Variants in VDAC1 observed in about 807,000 individuals in gnomAD.
VDAC1 encodes non-selective voltage-gated ion channel VDAC1.
VDAC1 carries 10 observed loss-of-function variants against 34.7 expected under a neutral mutation model. The observed-to-expected ratio is 0.29, with a 90% CI of 0.18 to 0.49. VDAC1 has a LOEUF of 0.49. Among genes scored for constraint, VDAC1 ranks in the 20% least tolerant of loss-of-function variants. The pLI, the probability that VDAC1 is intolerant of heterozygous loss-of-function variation, is 0.99. For synonymous variants in VDAC1, 130 were observed against 136.0 expected, an observed-to-expected ratio of 0.96 and a Z score of 0.30; for missense variants, 230 against 347.9, an observed-to-expected ratio of 0.66 and a Z score of 2.69.
the VDAC1 span, among the ~76,000 whole-genome samples, chr5:134,017,679 C>T: frequency 8.6e-5 from 13 of 151,910 alleles, no homozygotes; most frequent in African/African-American, 2.9e-4. Flanking sequence ...TTTGGGAGGC[C>T]GAGGTGGGCG....
At chr5:134,082,612 AGATAC>A in the VDAC1 span, among the ~76,000 whole-genome samples, 2 of 152,250 alleles carry the variant, frequency 1.3e-5, no homozygotes, top group Admixed American at 1.3e-4. Context: ...ATCATATAAT[AGATAC>A]ATGTTTATCT....
chr5:133,990,571 A>C lies in VDAC1; in HGVS notation c.323+284T>G, dbSNP rs58859482. On this transcript the variant is annotated intron_variant, in intron 5 of 8. Transcript: ENST00000265333. ...TAACAATCATGGCCTGGGCACCCTT[A>C]GATCTCCAGATGGGCACAGGGCCAA... 2.4e-3 allele frequency among the ~76,000 whole-genome samples: 359 copies of C among 152,356 alleles called. 13 individuals are homozygous for C. The East Asian group carries it at 0.056, about 24-fold the overall frequency.
chr5:134,114,154 G>T, the VDAC1 span, among the ~76,000 whole-genome samples: 1 of 152,204 alleles, frequency 6.6e-6, no homozygotes, highest in East Asian at 1.9e-4. Context: ...GTATGCAGGC[G>T]GCCTAGAAGG....
chr5:134,097,630 G>A, the VDAC1 span, among the ~76,000 whole-genome samples: 4 of 152,182 alleles, frequency 2.6e-5, no homozygotes, highest in Admixed American at 2.6e-4. Flanking sequence ...GAAGGTGCTT[G>A]GTCCCGCAGC....
the VDAC1 span, among the ~76,000 whole-genome samples, chr5:134,110,812 G>A: frequency 6.6e-6 from 1 of 152,236 alleles, no homozygotes; most frequent in East Asian, 1.9e-4. Context: ...GTCAGAAAAG[G>A]TCAGAGTTCA....
At chr5:134,086,323 G>A in the VDAC1 span, among the ~76,000 whole-genome samples, 2 of 152,218 alleles carry the variant, frequency 1.3e-5, no homozygotes, top group Non-Finnish European at 1.5e-5. Flanking sequence ...GTGATGTAAT[G>A]GCTCCAAGGG....
chr5:134,113,593 C>A, the VDAC1 span, among the ~76,000 whole-genome samples: 2 of 152,248 alleles, frequency 1.3e-5, no homozygotes, highest in African/African-American at 4.8e-5. Context: ...GTGAACCCAG[C>A]ACAGAAACCT....
chr5:134,063,995 A>ATTTTTTTTTT, the VDAC1 span, among the ~76,000 whole-genome samples: 1 of 86,516 alleles, frequency 1.2e-5, no homozygotes, highest in Non-Finnish European at 2.2e-5. Context: ...ACCTGTACTA[A>ATTTTTTTTTT]TTTTTTTTTT....
chr5:134,064,319 TGA>T, the VDAC1 span, among the ~76,000 whole-genome samples: 3 of 151,956 alleles, frequency 2.0e-5, no homozygotes, highest in African/African-American at 7.2e-5. Flanking sequence ...GGTTTTTTTT[TGA>T]GAGAGAGAGA....
chr5:134,025,439 G>A, the VDAC1 span, among the ~76,000 whole-genome samples: 12 of 152,190 alleles, frequency 7.9e-5, no homozygotes, highest in Admixed American at 3.3e-4. Flanking sequence ...CATAAGATTC[G>A]GAAGGGACAA....
the VDAC1 span, among the ~76,000 whole-genome samples, chr5:134,058,352 C>T: frequency 6.6e-6 from 1 of 151,472 alleles, no homozygotes; most frequent in Non-Finnish European, 1.5e-5. Flanking sequence ...CTCACTCTGT[C>T]GCCCAGGCTG....
the VDAC1 span, among the ~76,000 whole-genome samples, chr5:134,077,670 T>C: frequency 6.6e-6 from 1 of 152,236 alleles, no homozygotes; most frequent in Non-Finnish European, 1.5e-5. Context: ...GGCAGGTACT[T>C]TCCATTGTAC....
rs1753134814 is a variant in VDAC1 at position 133,992,307 on chromosome 5, A to T, written c.116T>A (p.Leu39Ter). ...LDLKTKSENG[L>*]EFTSSGSANT... ...TTCCATGTGGGTTGGACAACTTACCAATCCATTCTCAGATTTTGTTTTCAA... is the reference window on the plus strand; with the variant it reads ...TTCCATGTGGGTTGGACAACTTACCTATCCATTCTCAGATTTTGTTTTCAA... Residue 39 changes from leucine (L) to a stop codon, truncating the protein, a stop_gained and splice_region_variant, in exon 3 of 9, where the codon TTG (leucine) becomes TAG (stop). Coordinates refer to ENST00000265333, the MANE Select transcript of VDAC1 (RefSeq NM_003374.3). LOFTEE classifies it high-confidence loss of function. The T allele has an allele frequency of 6.3e-7, 1 of 1,578,172 alleles. No homozygotes were observed.
At chr5:134,021,886 T>TG in the VDAC1 span, among the ~76,000 whole-genome samples, 4 of 151,188 alleles carry the variant, frequency 2.6e-5, no homozygotes, top group African/African-American at 9.7e-5. Flanking sequence ...ATTTTTTTTT[T>TG]TTTTTTTTTG....
chr5:134,019,164 G>T, the VDAC1 span, among the ~76,000 whole-genome samples: 4 of 152,016 alleles, frequency 2.6e-5, no homozygotes, highest in Non-Finnish European at 5.9e-5. Context: ...GGAGTCATTC[G>T]TGTTAACAAA....
the VDAC1 span, among the ~76,000 whole-genome samples, chr5:134,048,459 G>T: frequency 6.6e-6 from 1 of 151,584 alleles, no homozygotes; most frequent in African/African-American, 2.4e-5. Flanking sequence ...TAGAGATAGG[G>T]TTTCGCCATG....
At chr5:134,111,049 T>C in the VDAC1 span, among the ~76,000 whole-genome samples, 1 of 152,130 alleles carries the variant, frequency 6.6e-6, no homozygotes, top group African/African-American at 2.4e-5. Context: ...TTCACTAGGG[T>C]ACAGTGGTTC....
chr5:134,084,208 G>T, the VDAC1 span, among the ~76,000 whole-genome samples: 1 of 152,216 alleles, frequency 6.6e-6, no homozygotes, highest in African/African-American at 2.4e-5. Flanking sequence ...CCCAAGAAAG[G>T]AAACCTGTTG....
chr5:134,000,532 G>A (rs1339394219), intron 1 of VDAC1, among the ~76,000 whole-genome samples: 2 of 152,164 alleles, frequency 1.3e-5, no homozygotes, highest in African/African-American at 4.8e-5. Flanking sequence ...AAGTTCCCTG[G>A]AGCCTCACTG....
Sources: allele counts gnomAD v4.1 joint callset (sites outside exome capture counted in the v4.1 genomes callset), GRCh38; gene constraint gnomAD v4.1.1; transcripts MANE v1.5; gene names NCBI Gene and HGNC (gene_info 2026-07-23, HGNC 2026-07-21).